OSBPL3: variants seen among roughly 807,000 people sequenced by gnomAD.
OSBPL3 encodes oxysterol binding protein like 3.
In OSBPL3, 65 loss-of-function variants were observed where a neutral mutation model predicts 120.1. The ratio of observed to expected loss-of-function variants is 0.54; its 90% confidence interval spans 0.44 to 0.67. The LOEUF is 0.67. OSBPL3 is among the 30% of genes least tolerant of loss of function. The probability of loss-of-function intolerance (pLI) is 0.00; values close to 1 mark genes in which losing one functional copy is unlikely to be tolerated. For synonymous variants in OSBPL3, 416 were observed against 402.6 expected (o/e 1.03, Z -0.40); for missense variants, 1,004 against 1,082.1 (o/e 0.93, Z 1.01).
chr7:24,830,940 T>G lies in OSBPL3; in HGVS notation c.1747-35A>C, dbSNP rs1796292936. 1.9e-6 allele frequency: 3 copies of G among 1,564,720 alleles called. No homozygotes were observed. Among genetic ancestry groups the G allele is most frequent in the Non-Finnish European group, 2.6e-6 (3 of 1,160,700 alleles). Reference sequence around the variant, plus strand: ...AGAGAAAAGAACTTTGTCATTTCCGTGTCACCAAGAGCTTTATTGTTCACA... The same window carrying G: ...AGAGAAAAGAACTTTGTCATTTCCGGGTCACCAAGAGCTTTATTGTTCACA... On this transcript the variant is annotated intron_variant, in intron 15 of 22. Coordinates refer to ENST00000313367, the MANE Select transcript of OSBPL3 (RefSeq NM_015550.4). This position sits in a 1 kb window ranked among gnomAD's most constrained non-coding sequence, Gnocchi z 4.4.
chr7:24,963,106 C>T (rs2128520154), intron 1 of OSBPL3, among the ~76,000 whole-genome samples: 1 of 152,254 alleles, frequency 6.6e-6, no homozygotes, highest in East Asian at 1.9e-4. Flanking sequence ...ATTTTTCACA[C>T]CCGATCCTAA....
At chr7:24,848,007 C>T (rs1798650732) in intron 12 of OSBPL3, among the ~76,000 whole-genome samples, 1 of 152,196 alleles carries the variant, frequency 6.6e-6, no homozygotes, top group Non-Finnish European at 1.5e-5. Context: ...GTAAGAGACC[C>T]ACAAGCTTCT....
At chr7:24,958,268 T>C (rs1052871832) in intron 1 of OSBPL3, among the ~76,000 whole-genome samples, 7 of 152,180 alleles carry the variant, frequency 4.6e-5, no homozygotes, top group Non-Finnish European at 5.9e-5. Flanking sequence ...TCTCAGTCAA[T>C]AGGATAGTAA....
chr7:24,957,859 T>C (rs556691634), intron 1 of OSBPL3, among the ~76,000 whole-genome samples: 2 of 152,302 alleles, frequency 1.3e-5, no homozygotes, highest in Non-Finnish European at 1.5e-5. Context: ...ATCAGAAACA[T>C]GTTCATTTCC....
intron 22 of OSBPL3, 99 bp from the exon 23 acceptor site, chr7:24,800,378 C>G (rs1360289151): frequency 2.9e-6 from 2 of 689,938 alleles, no homozygotes; most frequent in Non-Finnish European, 5.3e-6. Flanking sequence ...CATCCTCATT[C>G]CCACATGCAT....
intron 7 of OSBPL3, among the ~76,000 whole-genome samples, chr7:24,864,601 G>A (rs1480493887): frequency 6.6e-6 from 1 of 152,148 alleles, no homozygotes; most frequent in East Asian, 1.9e-4. Context: ...CTGCCACCTG[G>A]TATCTTTCTC....
At chr7:24,944,574 G>A (rs1813490359) in intron 1 of OSBPL3, among the ~76,000 whole-genome samples, 1 of 150,986 alleles carries the variant, frequency 6.6e-6, no homozygotes, top group African/African-American at 2.4e-5. Flanking sequence ...AGGTTGCAGT[G>A]AGCTGAGATT....
rs924585474 is a variant in OSBPL3 at position 24,939,345 on chromosome 7, T to C, written c.-150+40541A>G. ...ATTTTGTTCAGCTATTAGGAAGCTATGTGCTTGAGGAGAGCTTGGGCTCCT... is the reference window on the plus strand; with the variant it reads ...ATTTTGTTCAGCTATTAGGAAGCTACGTGCTTGAGGAGAGCTTGGGCTCCT... On this transcript the variant is annotated intron_variant, in intron 1 of 22. Transcript: ENST00000313367. This position sits in a 1 kb window ranked among gnomAD's most constrained non-coding sequence, Gnocchi z 4.2. Among the ~76,000 whole-genome samples the C allele has an allele frequency of 2.0e-5, 3 of 152,222 alleles. No homozygotes were observed. The highest frequency in any genetic ancestry group is 4.4e-5 in the Non-Finnish European group (3 of 68,036).
intron 13 of OSBPL3, among the ~76,000 whole-genome samples, chr7:24,841,693 T>TC (rs1165681109): frequency 1.8e-4 from 2 of 11,090 alleles, no homozygotes; most frequent in Non-Finnish European, 2.5e-4. Context: ...AGACTATGTC[T>TC]CAAAAAAAAA....
At position 24,852,428 on chromosome 7, in the gene OSBPL3, A is replaced by T. The variant is rs1799272132; in HGVS notation, c.1158+76T>A. 4 of 1,257,404 alleles carry T rather than the reference A, an allele frequency of 3.2e-6. 1 individual carries two copies. In the African/African-American group the frequency reaches 4.6e-5, roughly 14 times the overall value. 77.9% of individuals were successfully genotyped at this position (1,257,404 alleles called of 1,614,324 possible). ...TTTCTCCTGAATTTTCAACATAATC[A>T]TGGAAATAGAAATTACAAACCATTC... On this transcript the variant is annotated intron_variant, in intron 11 of 22. Transcript: ENST00000313367. This position sits in a 1 kb window ranked among gnomAD's most constrained non-coding sequence, Gnocchi z 4.1.
At chr7:24,926,612 C>T (rs1164429670) in intron 1 of OSBPL3, among the ~76,000 whole-genome samples, 1 of 152,188 alleles carries the variant, frequency 6.6e-6, no homozygotes, top group Admixed American at 6.5e-5. Flanking sequence ...CATGCCCACC[C>T]TTACTGTGGG....
intron 1 of OSBPL3, among the ~76,000 whole-genome samples, chr7:24,957,673 T>C (rs983939756): frequency 1.3e-5 from 2 of 152,172 alleles, no homozygotes; most frequent in African/African-American, 4.8e-5. Context: ...CTTTCTCATC[T>C]GTAAAACACA....
Position 24,942,374 on chromosome 7 carries a change from A to C in OSBPL3, c.-150+37512T>G, listed in dbSNP as rs545029854. Among the ~76,000 whole-genome samples the C allele has an allele frequency of 2.0e-4, 30 of 152,330 alleles. 1 individual carries two copies. Among genetic ancestry groups the C allele is most frequent in the Middle Eastern group, 3.4e-3 (1 of 294 alleles). On this transcript the variant is annotated intron_variant, in intron 1 of 22. Transcript: ENST00000313367. The stretch of plus-strand genomic sequence containing the variant: ...GGCACTAAGTGCACTTGTAGCCAGG[A>C]GTGCCTGAAGCCATGTCTGTCTGGT...
chr7:24,949,822 CT>C (rs1814174074), intron 1 of OSBPL3, among the ~76,000 whole-genome samples: 1 of 152,144 alleles, frequency 6.6e-6, no homozygotes, highest in Admixed American at 6.5e-5. Context: ...TGACTTTCTC[CT>C]TCCCTGCCTC....
intron 1 of OSBPL3, among the ~76,000 whole-genome samples, chr7:24,978,133 T>C (rs2128553491): frequency 6.6e-6 from 1 of 152,384 alleles, no homozygotes; most frequent in South Asian, 2.1e-4. Context: ...GTTAACCTGC[T>C]GGACCCTCAA....
intron 1 of OSBPL3, among the ~76,000 whole-genome samples, chr7:24,897,135 A>C (rs1378672245): frequency 6.6e-6 from 1 of 151,906 alleles, no homozygotes; most frequent in Non-Finnish European, 1.5e-5. Context: ...GAAGGAAGGA[A>C]GGAAAATTAG....
At chr7:24,976,529 G>A (rs138969000) in intron 1 of OSBPL3, among the ~76,000 whole-genome samples, 6 of 119,482 alleles carry the variant, frequency 5.0e-5, no homozygotes, top group African/African-American at 1.9e-4. Flanking sequence ...CTGAACAGTA[G>A]TAATTGGAAA....
At position 24,875,060 on chromosome 7, in the gene OSBPL3, T is replaced by G. The variant is rs115164278; in HGVS notation, c.97-2991A>C. On this transcript the variant is annotated intron_variant, in intron 2 of 22. Coordinates refer to ENST00000313367, the MANE Select transcript of OSBPL3 (RefSeq NM_015550.4). ...TAGATGTCCCACAATGCCTCGGTCT[T>G]GCACAATGAAAACGCCGTCCCACAC... Among the ~76,000 whole-genome samples, 1,430 of 152,324 alleles carry G rather than the reference T, an allele frequency of 9.4e-3. 29 individuals are homozygous for G. Among genetic ancestry groups the G allele is most frequent in the African/African-American group, 0.033 (1,367 of 41,564 alleles).
intron 1 of OSBPL3, among the ~76,000 whole-genome samples, chr7:24,974,270 A>G (rs1485941604): frequency 6.6e-6 from 1 of 152,160 alleles, no homozygotes; most frequent in African/African-American, 2.4e-5. Context: ...CCTCACCCCC[A>G]GATTATTTCA....
Sources: allele counts gnomAD v4.1 joint callset (sites outside exome capture counted in the v4.1 genomes callset), GRCh38; gene constraint gnomAD v4.1.1; non-coding constraint Gnocchi (gnomAD v3.1); transcripts MANE v1.5; gene names NCBI Gene and HGNC (gene_info 2026-07-23, HGNC 2026-07-21).